TAFA5: variants seen among roughly 807,000 people sequenced by gnomAD.
The protein encoded by TAFA5 is chemokine-like protein TAFA-5.
Under a neutral mutation model 15.3 loss-of-function variants are expected in TAFA5, and 6 were observed. That is an observed-to-expected ratio of 0.39 (90% CI 0.21 to 0.77). The LOEUF (loss-of-function observed/expected upper bound fraction) is 0.77. Ranked by LOEUF, TAFA5 falls within the 30% of genes least tolerant of loss-of-function variation. The pLI is 0.41. For missense variants in TAFA5, 161 were observed against 193.1 expected (o/e 0.83, Z 0.98); for synonymous variants, 103 against 80.7 (o/e 1.28, Z -1.48).
In TAFA5 at chr22:48,552,309, G is replaced by GAGGA. The variant is rs1475687835; in HGVS notation, c.112+62606_112+62609dup. Among the ~76,000 whole-genome samples, 3 of 152,204 alleles carry GAGGA rather than the reference G, an allele frequency of 2.0e-5. No homozygotes were observed. Among genetic ancestry groups the GAGGA allele is most frequent in the African/African-American group, 7.2e-5 (3 of 41,460 alleles). On this transcript the variant is annotated intron_variant, in intron 1 of 3. Transcript: ENST00000402357. This position sits in a 1 kb window ranked among gnomAD's most constrained non-coding sequence, Gnocchi z 4.1. ...ACCCAGGAGTTGGGCTCTGGGCAGG[G>GAGGA]AGGAGGGCTTCCTGGAGGCAGTGGC...
chr22:48,722,263 A>G (rs1244990493), intron 3 of TAFA5, among the ~76,000 whole-genome samples: 1 of 152,162 alleles, frequency 6.6e-6, no homozygotes, highest in African/African-American at 2.4e-5. Flanking sequence ...CTCATTGTTT[A>G]TTGCGGCACC....
chr22:48,609,879 C>G (rs1925335573), intron 1 of TAFA5, among the ~76,000 whole-genome samples: 1 of 152,204 alleles, frequency 6.6e-6, no homozygotes, highest in Non-Finnish European at 1.5e-5. Context: ...TCTGCCTCCA[C>G]CACATACAGC....
intron 3 of TAFA5, among the ~76,000 whole-genome samples, chr22:48,748,649 T>C (rs1303493586): frequency 6.6e-6 from 1 of 152,144 alleles, no homozygotes; most frequent in African/African-American, 2.4e-5. Flanking sequence ...GACGAGGCTA[T>C]GACAAGGTGA....
chr22:48,617,544 G>T (rs773249014), intron 1 of TAFA5, among the ~76,000 whole-genome samples: 2 of 152,230 alleles, frequency 1.3e-5, no homozygotes, highest in African/African-American at 4.8e-5. Context: ...CCCCGGAAGC[G>T]CCTCTCGCAG....
At position 48,746,522 on chromosome 22, in the gene TAFA5, G is replaced by A. The variant is rs143799302; in HGVS notation, c.391-3317G>A. 3.2e-3 allele frequency among the ~76,000 whole-genome samples: 485 copies of A among 152,290 alleles called. 2 individuals carry two copies. The highest frequency in any genetic ancestry group is 0.011 in the African/African-American group (458 of 41,564). On this transcript the variant is annotated intron_variant, in intron 3 of 3. Transcript: ENST00000402357. Reference sequence around the variant, plus strand: ...AAAGAAAAAAAAGAGAGATGCTCACGTGGTGCTGGCTCTATTAGATCTCTT... The same window carrying A: ...AAAGAAAAAAAAGAGAGATGCTCACATGGTGCTGGCTCTATTAGATCTCTT...
At chr22:48,617,564 A>G (rs1001437325) in intron 1 of TAFA5, among the ~76,000 whole-genome samples, 16 of 152,184 alleles carry the variant, frequency 1.1e-4, no homozygotes, top group African/African-American at 3.6e-4. Context: ...GAACCTCGGC[A>G]CTCACTGTCC....
At chr22:48,535,445 T>C (rs761439181) in intron 1 of TAFA5, among the ~76,000 whole-genome samples, 4 of 152,256 alleles carry the variant, frequency 2.6e-5, no homozygotes, top group Non-Finnish European at 5.9e-5. Flanking sequence ...AACACAAACA[T>C]GTACACAGTC....
At chr22:48,748,482 G>A (rs1020789599) in intron 3 of TAFA5, among the ~76,000 whole-genome samples, 3 of 152,230 alleles carry the variant, frequency 2.0e-5, no homozygotes, top group African/African-American at 4.8e-5. Flanking sequence ...CAGAACGGCC[G>A]TGGTGGCAGC....
intron 1 of TAFA5, among the ~76,000 whole-genome samples, chr22:48,576,089 G>T (rs1923780509): frequency 2.0e-5 from 2 of 100,866 alleles, no homozygotes; most frequent in Admixed American, 3.0e-4. Context: ...GCGGCCCGCC[G>T]TCCGGGCCCT....
rs1921245544 is a variant in TAFA5, at chr22:48,512,349, G to A, written c.112+22645G>A. Among the ~76,000 whole-genome samples, 4 of 152,242 alleles carry A rather than the reference G, an allele frequency of 2.6e-5. No homozygotes were observed. In the South Asian group the frequency reaches 8.3e-4, roughly 31 times the overall value. ...TGGCCGGGAGCAGTGGCTCACGCCT[G>A]TAATCCCAGCACTTTGGGAGGCGAC... On this transcript the variant is annotated intron_variant, in intron 1 of 3. Coordinates refer to ENST00000402357, the MANE Select transcript of TAFA5 (RefSeq NM_001082967.3).
At chr22:48,656,368 T>G (rs921569548) in intron 2 of TAFA5, among the ~76,000 whole-genome samples, 6 of 151,940 alleles carry the variant, frequency 3.9e-5, no homozygotes, top group Non-Finnish European at 8.8e-5. Context: ...GAGCTGGCTG[T>G]GGTGGCAGGT....
At chr22:48,694,803 TCCGCCCCCACCCGCCGCCGCTCCGACC>T (rs1601678284) in intron 2 of TAFA5, among the ~76,000 whole-genome samples, 37 of 26,954 alleles carry the variant, frequency 1.4e-3, no homozygotes, top group Admixed American at 2.8e-3. Flanking sequence ...GCTCCAGACC[TCCGCCCCCACCCGCCGCCGCTCCGACC>T]TCCGCCCCCA....
intron 2 of TAFA5, among the ~76,000 whole-genome samples, chr22:48,686,166 G>C (rs1322369724): frequency 6.6e-6 from 1 of 152,236 alleles, no homozygotes; most frequent in African/African-American, 2.4e-5. Context: ...TGGGCAGCAG[G>C]CAGTATGGCG....
intron 3 of TAFA5, among the ~76,000 whole-genome samples, chr22:48,746,766 G>GGCCT (rs753629067): frequency 1.9e-3 from 291 of 152,284 alleles, no homozygotes; most frequent in Non-Finnish European, 1.7e-3. Context: ...AAGCCGGAGG[G>GGCCT]GCCTCGTCAC....
intron 1 of TAFA5, among the ~76,000 whole-genome samples, chr22:48,592,044 C>T (rs537630544): frequency 3.5e-4 from 53 of 152,212 alleles, no homozygotes; most frequent in Non-Finnish European, 6.8e-4. Flanking sequence ...TCTGCCTGGA[C>T]GGCAGGAGGC....
chr22:48,636,594 C>T (rs536369079), intron 1 of TAFA5, among the ~76,000 whole-genome samples: 1 of 152,248 alleles, frequency 6.6e-6, no homozygotes, highest in Non-Finnish European at 1.5e-5. Context: ...CTGTGTGGAT[C>T]GCTCCGAGTG....
chr22:48,512,289 C>T (rs946746045), intron 1 of TAFA5, among the ~76,000 whole-genome samples: 4 of 152,192 alleles, frequency 2.6e-5, no homozygotes, highest in African/African-American at 7.2e-5. Flanking sequence ...TCTTCTGCTC[C>T]GCTCAAGGAG....
At chr22:48,688,519 T>TTGGCTCC (rs1421244092) in intron 2 of TAFA5, among the ~76,000 whole-genome samples, 2 of 152,210 alleles carry the variant, frequency 1.3e-5, no homozygotes, top group African/African-American at 2.4e-5. Flanking sequence ...TGGCCCTGTC[T>TTGGCTCC]TGGCTCCTGC....
At chr22:48,588,601 C>T (rs150622468) in intron 1 of TAFA5, among the ~76,000 whole-genome samples, 245 of 152,236 alleles carry the variant, frequency 1.6e-3, no homozygotes, top group African/African-American at 5.8e-3. Context: ...TGCTGGGTAT[C>T]GGGGCTGGTT....
Sources: gnomAD v4.1 joint callset for allele counts (sites outside exome capture counted in the v4.1 genomes callset) on GRCh38, gnomAD v4.1.1 for gene constraint, Gnocchi (gnomAD v3.1) non-coding constraint, MANE v1.5 for transcripts, NCBI Gene and HGNC (gene_info 2026-07-23, HGNC 2026-07-21) for gene names.